Variants in PSMB11 observed in about 807,000 individuals in gnomAD.
PSMB11 encodes proteasome subunit beta 11.
For synonymous variants in PSMB11, 163 were observed against 167.7 expected (o/e 0.97, Z 0.22); for missense variants, 411 against 408.2 (o/e 1.01, Z -0.06).
In PSMB11 at chr14:23,043,114, A is replaced by T. The variant is rs780296102; in HGVS notation, c.889A>T (p.Thr297Ser). Residue 297 changes from threonine to serine, a missense_variant, in exon 1 of 1, where the codon ACT (threonine) becomes TCT (serine). By Grantham distance (58) the Thr-to-Ser change is moderately conservative. Coordinates refer to ENST00000408907, the MANE Select transcript of PSMB11 (RefSeq NM_001099780.2). ...TPGDSRMPAG[T>S]ETV is the part of the protein sequence containing the mutation. ...AGGAGACTCCAGGATGCCAGCAGGG[A>T]CTGAGACGGTGTGAGAAGCAGGACT... 1.2e-6 allele frequency: 2 copies of T among 1,609,344 alleles called. No individual in the cohort carries two copies. The highest frequency in any genetic ancestry group is 2.2e-5 in the South Asian group (2 of 90,690).
In PSMB11 at chr14:23,042,397, C is replaced by A; in HGVS notation, c.172C>A (p.Arg58Ser). 1 of 1,613,830 alleles carries A rather than the reference C, an allele frequency of 6.2e-7. No individual in the cohort carries two copies. Among genetic ancestry groups the A allele is most frequent in the Non-Finnish European group, 8.5e-7 (1 of 1,180,026 alleles). ...HGTTTLAFRF[R>S]HGVIAAADTR... ...CACCACCACTCTGGCCTTCCGCTTC[C>A]GTCATGGAGTCATTGCTGCAGCTGA... The change falls in exon 1 of 1, where the codon CGT becomes AGT. Residue 58 changes from arginine to serine, a missense_variant. Physicochemically the swap from Arg to Ser is moderately radical, Grantham distance 110 (BLOSUM62 -1). Coordinates refer to ENST00000408907, the MANE Select transcript of PSMB11 (RefSeq NM_001099780.2).
Position 23,042,964 on chromosome 14 carries a change from G to T in PSMB11, c.739G>T (p.Glu247Ter). 1 of 1,614,188 alleles carries T rather than the reference G, an allele frequency of 6.2e-7. No individual in the cohort carries two copies. Among genetic ancestry groups the T allele is most frequent in the Non-Finnish European group, 8.5e-7 (1 of 1,180,028 alleles). Residue 247 changes from glutamate to a stop codon, truncating the protein, a stop_gained, in exon 1 of 1, where the codon GAG (glutamate) becomes TAG (stop). Coordinates refer to ENST00000408907, the MANE Select transcript of PSMB11 (RefSeq NM_001099780.2). LOFTEE classifies it low-confidence loss of function (END_TRUNC). ...CAGTGATGCCTGTGTGCTGTACGTG[G>T]AGTTACAGAAGCTCCTGGAGCCGGA... ...SRSDACVLYVELQKLLEPEPE... is the reference protein window; with the variant it reads ...SRSDACVLYV
rs1188547058 is a variant in PSMB11 at position 23,043,224 on chromosome 14, C to G, written c.*96C>G. On this transcript the variant is annotated 3_prime_UTR_variant, in exon 1 of 1. Transcript: ENST00000408907. ...CCCGCTGGCAGCAGCCTCACAGCGT[C>G]TGGCTCTAGCCTGTATGGGTTGCTG... The G allele has an allele frequency of 3.6e-6, 3 of 833,888 alleles. No individual in the cohort carries two copies. The highest frequency in any genetic ancestry group is 5.6e-6 in the Non-Finnish European group (3 of 532,236). The allele number at this position is 833,888 out of a possible 1,614,324, so 51.7% of individuals were successfully genotyped here. A position where few individuals can be genotyped will look rare whatever the true frequency, so the allele number is the denominator to read the frequency against.
rs928100699 is a variant in PSMB11 at position 23,043,252 on chromosome 14, T to C, written c.*124T>C. 6 of 659,418 alleles carry C rather than the reference T, an allele frequency of 9.1e-6. No homozygotes were observed. The highest frequency in any genetic ancestry group is 1.6e-5 in the Non-Finnish European group (6 of 383,878). 40.8% of individuals were successfully genotyped at this position (659,418 alleles called of 1,614,324 possible). ...GCTCTAGCCTGTATGGGTTGCTGGC[T>C]TCATTTATTGCAAGTCTCCATCCTT... On this transcript the variant is annotated 3_prime_UTR_variant, in exon 1 of 1. Transcript: ENST00000408907.
In PSMB11 at chr14:23,042,966, G is replaced by A; in HGVS notation, c.741G>A (p.Glu247=). 2.5e-6 allele frequency: 4 copies of A among 1,614,178 alleles called. No individual in the cohort carries two copies. Among genetic ancestry groups the A allele is most frequent in the Non-Finnish European group, 3.4e-6 (4 of 1,180,034 alleles). The part of the protein sequence containing the change: ...SRSDACVLYV[E]LQKLLEPEPE... ...GTGATGCCTGTGTGCTGTACGTGGAGTTACAGAAGCTCCTGGAGCCGGAGC... is the reference window on the plus strand; with the variant it reads ...GTGATGCCTGTGTGCTGTACGTGGAATTACAGAAGCTCCTGGAGCCGGAGC... The change falls in exon 1 of 1, where the codon GAG becomes GAA. Residue 247 remains glutamate, a synonymous_variant. Transcript: ENST00000408907.
Position 23,042,289 on chromosome 14 carries a change from C to T in PSMB11, c.64C>T (p.Pro22Ser), listed in dbSNP as rs766529788. Residue 22 changes from proline (P) to serine (S), a missense_variant, in exon 1 of 1, where the codon CCT (proline) becomes TCT (serine). Pro to Ser is a moderately conservative substitution (Grantham distance 74). Coordinates refer to ENST00000408907, the MANE Select transcript of PSMB11 (RefSeq NM_001099780.2). ...CACCCAGGGACCATCACCTCACCTG[C>T]CTCGGGCTGGCGGCTGGGCTGTGCC... is the stretch of plus-strand genomic sequence containing the variant. ...PDTQGPSPHL[P>S]RAGGWAVPRG... 1.4e-5 allele frequency: 22 copies of T among 1,612,348 alleles called. No individual in the cohort carries two copies. The highest frequency in any genetic ancestry group is 2.2e-5 in the South Asian group (2 of 90,764).
In PSMB11 at chr14:23,042,256, TC is replaced by T; in HGVS notation, c.35del (p.Pro12LeufsTer106). On this transcript the variant is annotated frameshift_variant, in exon 1 of 1. Transcript: ENST00000408907. LOFTEE classifies it low-confidence loss of function (END_TRUNC). ...TCTGCAGGATGTGTGCAAGTGGCAG[TC>T]CCCTGACACCCAGGGACCATCACCT... MALQDVCKWQ[S>X]PDTQGPSPHL... 1 of 1,596,262 alleles carries T rather than the reference TC, an allele frequency of 6.3e-7. No homozygotes were observed. The highest frequency in any genetic ancestry group is 8.5e-7 in the Non-Finnish European group (1 of 1,170,654).
rs936769133 is a variant in PSMB11, at chr14:23,042,829, T to C, written c.604T>C (p.Tyr202His). The change falls in exon 1 of 1, where the codon TAC (tyrosine) becomes CAC (histidine). Residue 202 changes from tyrosine (Y) to histidine (H), a missense_variant. Transcript: ENST00000408907. Reference sequence around the variant, plus strand: ...CTACGACATGAGCACCCAGGAAGCCTACGCCCTGGCTCGCTGCGCCGTGGC... The same window carrying C: ...CTACGACATGAGCACCCAGGAAGCCCACGCCCTGGCTCGCTGCGCCGTGGC... ...YRYDMSTQEA[Y>H]ALARCAVAHA... 6.2e-7 allele frequency: 1 copy of C among 1,613,206 alleles called. No individual in the cohort carries two copies. Among genetic ancestry groups the C allele is most frequent in the Non-Finnish European group, 8.5e-7 (1 of 1,180,014 alleles).
chr14:23,043,067 T>G lies in PSMB11; in HGVS notation c.842T>G (p.Val281Gly). The G allele has an allele frequency of 6.2e-7, 1 of 1,613,518 alleles. No homozygotes were observed. Among genetic ancestry groups the G allele is most frequent in the Non-Finnish European group, 8.5e-7 (1 of 1,179,768 alleles). Residue 281 changes from valine (V) to glycine (G), a missense_variant, in exon 1 of 1, where the codon GTG (valine) becomes GGG (glycine). Transcript: ENST00000408907. ...HRAAEDRELS[V>G]GPGEVTPGDS... is the part of the protein sequence containing the mutation. ...GCTGCAGAAGATAGAGAGCTCTCTG[T>G]GGGGCCAGGGGAGGTGACACCAGGA... is the stretch of plus-strand genomic sequence containing the variant.
At position 23,042,726 on chromosome 14, in the gene PSMB11, C is replaced by G; in HGVS notation, c.501C>G (p.Gly167=). ...GPELFYVYSD[G]TRLQGDIFSV... ...AGCTCTTCTACGTCTATAGCGACGG[C>G]ACCCGCCTGCAGGGGGACATCTTCT... The change falls in exon 1 of 1, where the codon GGC becomes GGG. Residue 167 remains glycine, a synonymous_variant. Coordinates refer to ENST00000408907, the MANE Select transcript of PSMB11 (RefSeq NM_001099780.2). The G allele has an allele frequency of 6.2e-7, 1 of 1,612,796 alleles. No homozygotes were observed. Among genetic ancestry groups the G allele is most frequent in the South Asian group, 1.1e-5 (1 of 91,072 alleles).
At position 23,043,537 on chromosome 14, in the gene PSMB11, G is replaced by C. The variant is rs1329733581; in HGVS notation, c.*409G>C. 5.9e-6 allele frequency: 1 copy of C among 169,928 alleles called. No individual in the cohort carries two copies. Among genetic ancestry groups the C allele is most frequent in the Non-Finnish European group, 1.3e-5 (1 of 74,882 alleles). The allele number at this position is 169,928 out of a possible 1,614,324, so 10.5% of individuals were successfully genotyped here. A position where few individuals can be genotyped will look rare whatever the true frequency, so the allele number is the denominator to read the frequency against. ...TTCAGCGTCTTTGTCTTTTTCTCCTGATCACTTTGTCAGCATGGTAAGATG... is the reference window on the plus strand; with the variant it reads ...TTCAGCGTCTTTGTCTTTTTCTCCTCATCACTTTGTCAGCATGGTAAGATG... On this transcript the variant is annotated 3_prime_UTR_variant, in exon 1 of 1. Transcript: ENST00000408907.
At position 23,042,392 on chromosome 14, in the gene PSMB11, G is replaced by A. The variant is rs200271665; in HGVS notation, c.167G>A (p.Arg56His). 6.4e-5 allele frequency: 104 copies of A among 1,613,654 alleles called. No individual in the cohort carries two copies. The highest frequency in any genetic ancestry group is 1.5e-4 in the South Asian group (14 of 91,084). Residue 56 changes from arginine to histidine, a missense_variant, in exon 1 of 1, where the codon CGC becomes CAC. Arg to His is a conservative substitution (Grantham distance 29). Coordinates refer to ENST00000408907, the MANE Select transcript of PSMB11 (RefSeq NM_001099780.2). The part of the protein sequence containing the change: ...LAHGTTTLAF[R>H]FRHGVIAAAD... ...CACGGCACCACCACTCTGGCCTTCC[G>A]CTTCCGTCATGGAGTCATTGCTGCA...
Position 23,042,903 on chromosome 14 carries a change from C to T in PSMB11, c.678C>T (p.Phe226=). 6.2e-7 allele frequency: 1 copy of T among 1,614,090 alleles called. No homozygotes were observed. Among genetic ancestry groups the T allele is most frequent in the East Asian group, 2.2e-5 (1 of 44,882 alleles). ...ATTCAGGGGGCTCTGTAGACCTTTT[C>T]CACGTGCGGGAGAGTGGATGGGAGC... ...DAYSGGSVDL[F]HVRESGWEHV... The change falls in exon 1 of 1, where the codon TTC becomes TTT. Residue 226 remains phenylalanine, a synonymous_variant. Coordinates refer to ENST00000408907, the MANE Select transcript of PSMB11 (RefSeq NM_001099780.2).
chr14:23,042,851 T>TGGCCCACG lies in PSMB11; in HGVS notation c.627_634dup (p.Ala212GlyfsTer15). 6.2e-7 allele frequency: 1 copy of TGGCCCACG among 1,613,540 alleles called. No homozygotes were observed. Among genetic ancestry groups the TGGCCCACG allele is most frequent in the Non-Finnish European group, 8.5e-7 (1 of 1,179,994 alleles). On this transcript the variant is annotated frameshift_variant, in exon 1 of 1. Transcript: ENST00000408907. LOFTEE classifies it low-confidence loss of function (END_TRUNC). ...GCCTACGCCCTGGCTCGCTGCGCCG[T>TGGCCCACG]GGCCCACGCCACCCACCGTGATGCC...
rs1413838429 is a variant in PSMB11, at chr14:23,042,857, A to G, written c.632A>G (p.His211Arg). 6.2e-6 allele frequency: 10 copies of G among 1,613,686 alleles called. No individual in the cohort carries two copies. Among genetic ancestry groups the G allele is most frequent in the Non-Finnish European group, 7.6e-6 (9 of 1,180,014 alleles). The change falls in exon 1 of 1, where the codon CAC becomes CGC. Residue 211 changes from histidine (H) to arginine (R), a missense_variant. Physicochemically the swap from His to Arg is conservative, Grantham distance 29. Transcript: ENST00000408907. Reference sequence around the variant, plus strand: ...GCCCTGGCTCGCTGCGCCGTGGCCCACGCCACCCACCGTGATGCCTATTCA... The same window carrying G: ...GCCCTGGCTCGCTGCGCCGTGGCCCGCGCCACCCACCGTGATGCCTATTCA... ...AYALARCAVA[H>R]ATHRDAYSGG... is the part of the protein sequence containing the mutation.
In PSMB11 at chr14:23,043,311, A is replaced by G. The variant is rs1393358881; in HGVS notation, c.*183A>G. The G allele has an allele frequency of 3.5e-6, 2 of 570,608 alleles. No individual in the cohort carries two copies. The highest frequency in any genetic ancestry group is 3.7e-5 in the African/African-American group (2 of 53,396). The allele number at this position is 570,608 out of a possible 1,614,324, so 35.3% of individuals were successfully genotyped here. A position where few individuals can be genotyped will look rare whatever the true frequency, so the allele number is the denominator to read the frequency against. ...CCCAGAGCTATTATGGCTCTGCCCAACAAGTTCCTATTGACTCCCAGTGGA... is the reference window on the plus strand; with the variant it reads ...CCCAGAGCTATTATGGCTCTGCCCAGCAAGTTCCTATTGACTCCCAGTGGA... On this transcript the variant is annotated 3_prime_UTR_variant, in exon 1 of 1. Transcript: ENST00000408907.
chr14:23,042,265 A>T lies in PSMB11; in HGVS notation c.40A>T (p.Thr14Ser), dbSNP rs769237453. 2.1e-5 allele frequency: 33 copies of T among 1,603,264 alleles called. 1 individual carries two copies. The South Asian group carries it at 3.3e-4, about 16-fold the overall frequency. Residue 14 changes from threonine to serine, a missense_variant, in exon 1 of 1, where the codon ACC (threonine) becomes TCC (serine). Physicochemically the swap from Thr to Ser is moderately conservative, Grantham distance 58. Coordinates refer to ENST00000408907, the MANE Select transcript of PSMB11 (RefSeq NM_001099780.2). ...TGTGTGCAAGTGGCAGTCCCCTGAC[A>T]CCCAGGGACCATCACCTCACCTGCC... ...QDVCKWQSPD[T>S]QGPSPHLPRA...
In PSMB11 at chr14:23,042,698, C is replaced by G; in HGVS notation, c.473C>G (p.Pro158Arg). 6.2e-7 allele frequency: 1 copy of G among 1,613,490 alleles called. No individual in the cohort carries two copies. The highest frequency in any genetic ancestry group is 8.5e-7 in the Non-Finnish European group (1 of 1,180,012). ...TALCGWDRSGPELFYVYSDGT... is the reference protein window; with the variant it reads ...TALCGWDRSGRELFYVYSDGT... ...CTCTGCGGCTGGGACCGCTCTGGCC[C>G]TGAGCTCTTCTACGTCTATAGCGAC... Residue 158 changes from proline (P) to arginine (R), a missense_variant, in exon 1 of 1, where the codon CCT becomes CGT. By Grantham distance (103) the Pro-to-Arg change is moderately radical. Coordinates refer to ENST00000408907, the MANE Select transcript of PSMB11 (RefSeq NM_001099780.2).
rs1327906641 is a variant in PSMB11 at position 23,043,415 on chromosome 14, G to A, written c.*287G>A. The A allele has an allele frequency of 7.7e-6, 3 of 389,302 alleles. No individual in the cohort carries two copies. The highest frequency in any genetic ancestry group is 2.0e-5 in the African/African-American group (1 of 49,268). The allele number at this position is 389,302 out of a possible 1,614,324, so 24.1% of individuals were successfully genotyped here. On this transcript the variant is annotated 3_prime_UTR_variant, in exon 1 of 1. Transcript: ENST00000408907. ...TGTGCCTACTGCATGCCAGACGCAT[G>A]CTAGGTGCTAGACCCTCTTTTCTTG...
Sources: gnomAD v4.1 joint callset for allele counts on GRCh38, gnomAD v4.1.1 for gene constraint, MANE v1.5 for transcripts, NCBI Gene and HGNC (gene_info 2026-07-23, HGNC 2026-07-21) for gene names.